Variants in ZNF615 observed in about 807,000 individuals in gnomAD.
The protein encoded by ZNF615 is zinc finger protein 615.
Under a neutral mutation model 15.3 loss-of-function variants are expected in ZNF615, and 15 were observed. That is an observed-to-expected ratio of 0.98 (90% CI 0.66 to 1.51). The LOEUF (loss-of-function observed/expected upper bound fraction) is 1.51. Ranked by LOEUF, ZNF615 falls within the 40% of genes most tolerant of loss-of-function variation. The probability of loss-of-function intolerance (pLI) is 0.00; values close to 1 mark genes in which losing one functional copy is unlikely to be tolerated. For synonymous variants in ZNF615, 268 were observed against 294.6 expected (o/e 0.91, Z 0.92); for missense variants, 848 against 895.9 (o/e 0.95, Z 0.68).
intron 6 of ZNF615, among the ~76,000 whole-genome samples, 176 bp from the exon 7 acceptor site, chr19:51,995,013 G>A (rs1194999692): frequency 2.0e-5 from 3 of 152,178 alleles, no homozygotes; most frequent in Admixed American, 1.3e-4. Flanking sequence ...GGCGGACTGA[G>A]TCCGAAAAAG....
At chr19:51,997,868 A>G (rs977669677) in intron 6 of ZNF615, among the ~76,000 whole-genome samples, 4 of 152,228 alleles carry the variant, frequency 2.6e-5, no homozygotes, top group Non-Finnish European at 5.9e-5. Context: ...TGTGTTGACA[A>G]ACACTGTTGC....
At position 52,002,228 on chromosome 19, in the gene ZNF615, C is replaced by T; in HGVS notation, c.69G>A (p.Gln23=). 5 of 1,614,208 alleles carry T rather than the reference C, an allele frequency of 3.1e-6. No individual in the cohort carries two copies. The South Asian group carries it at 3.3e-5, about 11-fold the overall frequency. ...VAVDFTWEEW[Q]FLSPAQKDLY... ...GGTCCTTCTGAGCAGGGCTCAGGAACTGCCACTCCTCCCAGGTGAAGTCCA... is the reference window on the plus strand; with the variant it reads ...GGTCCTTCTGAGCAGGGCTCAGGAATTGCCACTCCTCCCAGGTGAAGTCCA... The change falls in exon 4 of 7, where the codon CAG becomes CAA. Residue 23 remains glutamine, a synonymous_variant. Coordinates refer to ENST00000598071, the MANE Select transcript of ZNF615 (RefSeq NM_001199324.2).
chr19:52,002,030 C>T lies in ZNF615; in HGVS notation c.143-122G>A, dbSNP rs557645491. ...ATCTGTAACAAGAAGGTAGATTATA[C>T]TCTCTTGTGTGGGGCAAGAGAATGA... On this transcript the variant is annotated intron_variant, in intron 4 of 6. Coordinates refer to ENST00000598071, the MANE Select transcript of ZNF615 (RefSeq NM_001199324.2). 14 of 1,603,838 alleles carry T rather than the reference C, an allele frequency of 8.7e-6. 1 individual carries two copies. In the South Asian group the frequency reaches 1.4e-4, roughly 16 times the overall value.
chr19:52,003,187 C>T (rs1418027827), intron 3 of ZNF615, among the ~76,000 whole-genome samples: 1 of 151,980 alleles, frequency 6.6e-6, no homozygotes, highest in Admixed American at 6.6e-5. Context: ...CATGTATGCA[C>T]ACAGACAAAT....
chr19:52,005,165 A>G (rs963225794), intron 2 of ZNF615, among the ~76,000 whole-genome samples: 1 of 152,164 alleles, frequency 6.6e-6, no homozygotes, highest in African/African-American at 2.4e-5. Flanking sequence ...AGGCTGAGGC[A>G]GGAGAATTGC....
In ZNF615 at chr19:52,003,570, T is replaced by C. The variant is rs922156403; in HGVS notation, c.15+127A>G. On this transcript the variant is annotated intron_variant, in intron 3 of 6. Coordinates refer to ENST00000598071, the MANE Select transcript of ZNF615 (RefSeq NM_001199324.2). ...ATGAATAATATATCCCTGATCCTTC[T>C]TTGCCCAGATTTCTCCAGGTCCTGA... 4 of 842,102 alleles carry C rather than the reference T, an allele frequency of 4.8e-6. No individual in the cohort carries two copies. In the African/African-American group the frequency reaches 6.9e-5, roughly 14 times the overall value. 52.2% of individuals were successfully genotyped at this position (842,102 alleles called of 1,614,324 possible). A position where few individuals can be genotyped will look rare whatever the true frequency, so the allele number is the denominator to read the frequency against.
At chr19:51,995,519 A>G (rs377031566) in intron 6 of ZNF615, among the ~76,000 whole-genome samples, 3 of 150,444 alleles carry the variant, frequency 2.0e-5, no homozygotes, top group African/African-American at 7.3e-5. Context: ...AATGACATCT[A>G]TGTGTAAGTC....
rs937831283 is a variant in ZNF615, at chr19:51,991,391, A to C, written c.*1489T>G. Reference sequence around the variant, plus strand: ...AACAGTAAGAAAAACCGGGAACAAAACTAATGTCCTTCAGTGGGTGAATAA... The same window carrying C: ...AACAGTAAGAAAAACCGGGAACAAACCTAATGTCCTTCAGTGGGTGAATAA... On this transcript the variant is annotated 3_prime_UTR_variant, in exon 7 of 7. Transcript: ENST00000598071. 4.6e-5 allele frequency: 7 copies of C among 152,368 alleles called. No homozygotes were observed. The highest frequency in any genetic ancestry group is 3.4e-3 in the Middle Eastern group (1 of 294). 9.4% of individuals were successfully genotyped at this position (152,368 alleles called of 1,614,324 possible). A position where few individuals can be genotyped will look rare whatever the true frequency, so the allele number is the denominator to read the frequency against.
intron 2 of ZNF615, 148 bp downstream of exon 2, chr19:52,007,145 T>C: frequency 2.6e-6 from 1 of 378,504 alleles, no homozygotes; most frequent in East Asian, 9.1e-5. Flanking sequence ...AACTTCTAAA[T>C]GTTTATTACA....
At chr19:51,994,933 T>C in intron 6 of ZNF615, 96 bp from the exon 7 acceptor site, 1 of 1,157,228 alleles carries the variant, frequency 8.6e-7, no homozygotes, top group South Asian at 2.1e-5. Flanking sequence ...GAGGTGACTC[T>C]TTAGTGAAAA....
Position 52,008,136 on chromosome 19 carries a change from C to G in ZNF615, c.-228+5G>C, listed in dbSNP as rs1376356851. ...CCACAGCGACCACCCAGTGACTGAA[C>G]TTACTTCCCAGAACTTGGTGGGCTC... On this transcript the variant is annotated splice_donor_5th_base_variant and intron_variant, in intron 1 of 6. Coordinates refer to ENST00000598071, the MANE Select transcript of ZNF615 (RefSeq NM_001199324.2). 6.5e-7 allele frequency: 1 copy of G among 1,535,558 alleles called. No individual in the cohort carries two copies. The highest frequency in any genetic ancestry group is 8.7e-7 in the Non-Finnish European group (1 of 1,146,770).
At chr19:52,001,979 C>A in intron 4 of ZNF615, 71 bp from the exon 5 acceptor site, 2 of 1,600,286 alleles carry the variant, frequency 1.2e-6, no homozygotes, top group Non-Finnish European at 1.7e-6. Context: ...AGGAGAGTTA[C>A]ATTTTAAGGA....
intron 2 of ZNF615, chr19:52,004,348 T>A (rs1011765285): frequency 1.3e-5 from 2 of 151,888 alleles, no homozygotes; most frequent in African/African-American, 4.8e-5. Context: ...ACTATCTTAT[T>A]TAAATTATTC....
At chr19:52,004,216 T>C (rs186526258) in intron 2 of ZNF615, among the ~76,000 whole-genome samples, 26 of 152,280 alleles carry the variant, frequency 1.7e-4, no homozygotes, top group Admixed American at 3.3e-4. Flanking sequence ...AGAGGTCACA[T>C]AGACAGTTAA....
intron 3 of ZNF615, among the ~76,000 whole-genome samples, chr19:52,002,719 C>T (rs12459268): frequency 0.42 from 63,388 of 151,952 alleles, 15,224 homozygotes; most frequent in African/African-American, 0.65. Context: ...CTATGGTTAA[C>T]ATAGTTAACC....
intron 6 of ZNF615, among the ~76,000 whole-genome samples, chr19:51,998,037 C>T (rs908505230): frequency 5.3e-5 from 8 of 151,936 alleles, no homozygotes; most frequent in African/African-American, 1.9e-4. Context: ...GTAGCAGTTC[C>T]CTCTCCTCCC....
chr19:52,002,384 T>C, intron 3 of ZNF615, 103 bp from the exon 4 acceptor site: 4 of 1,530,526 alleles, frequency 2.6e-6, no homozygotes, highest in Non-Finnish European at 3.5e-6. Flanking sequence ...AGGAAGCTGG[T>C]GGGGTTTTTT....
chr19:51,992,513 A>T lies in ZNF615; in HGVS notation c.*367T>A. The T allele has an allele frequency of 5.9e-6, 1 of 170,728 alleles. No individual in the cohort carries two copies. Among genetic ancestry groups the T allele is most frequent in the Admixed American group, 6.0e-5 (1 of 16,570 alleles). The allele number at this position is 170,728 out of a possible 1,614,324, so 10.6% of individuals were successfully genotyped here. ...CCTGCCACAGGGGTTTGCCAGAGGA[A>T]AGTATTTCTCCAGTGTGAACTCTCT... On this transcript the variant is annotated 3_prime_UTR_variant, in exon 7 of 7. Transcript: ENST00000598071.
chr19:51,995,025 A>G (rs973579942), intron 6 of ZNF615, among the ~76,000 whole-genome samples, 188 bp from the exon 7 acceptor site: 12 of 152,176 alleles, frequency 7.9e-5, no homozygotes, highest in African/African-American at 2.4e-4. Flanking sequence ...CCGAAAAAGG[A>G]GTCAGAAAAG....
Sources: gnomAD v4.1 joint callset for allele counts (sites outside exome capture counted in the v4.1 genomes callset) on GRCh38, gnomAD v4.1.1 for gene constraint, MANE v1.5 for transcripts, NCBI Gene and HGNC (gene_info 2026-07-23, HGNC 2026-07-21) for gene names.